The following INTS1 variants were observed in gnomAD, a reference collection of about 807,000 sequenced individuals.
INTS1 encodes the protein integrator complex subunit 1.
INTS1 carries 137 observed loss-of-function variants against 241.6 expected under a neutral mutation model. That is an observed-to-expected ratio of 0.57 (90% CI 0.49 to 0.65). The LOEUF (loss-of-function observed/expected upper bound fraction) is 0.65. Ranked by LOEUF, INTS1 falls within the 30% of genes least tolerant of loss-of-function variation. The pLI is 0.00. For synonymous variants in INTS1, 1,692 were observed against 1,337.8 expected (o/e 1.26, Z -5.78); for missense variants, 3,073 against 3,032.2 (o/e 1.01, Z -0.32).
rs1300300087 is a variant in INTS1, at chr7:1,477,801, T to C, written c.4766A>G (p.Gln1589Arg). Residue 1589 changes from glutamine to arginine, a missense_variant, in exon 34 of 48, where the codon CAG becomes CGG. Gln to Arg is a conservative substitution (Grantham distance 43). Transcript: ENST00000404767. ...CCCCCCAGCCAGGGGCTCCTCCTCC[T>C]GCAGCAGCAGGGAGCTCACCACCAC... ...PVVVVSSLLLQEEEPLAGGKP... is the reference protein window; with the variant it reads ...PVVVVSSLLLREEEPLAGGKP... 1.2e-6 allele frequency: 2 copies of C among 1,612,526 alleles called. No individual in the cohort carries two copies. Among genetic ancestry groups the C allele is most frequent in the East Asian group, 4.5e-5 (2 of 44,890 alleles).
Position 1,480,868 on chromosome 7 carries a change from A to G in INTS1, c.3916T>C (p.Ser1306Pro). ...GGCGGCAGGGAGGCTGTGAGCAAGG[A>G]GTGGAAAGTCTGGCCTCCGGAGGCG... Reference protein sequence around the residue: ...RGASGGQTFHSLLTASLPPRR... With the variant: ...RGASGGQTFHPLLTASLPPRR... The change falls in exon 29 of 48, where the codon TCC becomes CCC. Residue 1306 changes from serine (S) to proline (P), a missense_variant. Ser to Pro is a moderately conservative substitution (Grantham distance 74). Transcript: ENST00000404767. The G allele has an allele frequency of 6.4e-7, 1 of 1,555,360 alleles. No individual in the cohort carries two copies. The highest frequency in any genetic ancestry group is 1.2e-5 in the South Asian group (1 of 84,398).
At chr7:1,488,034 G>A (rs1400014059) in intron 18 of INTS1, 77 bp from the exon 19 acceptor site, 33 of 1,499,586 alleles carry the variant, frequency 2.2e-5, no homozygotes, top group Admixed American at 1.9e-4. Flanking sequence ...TCAGGGTCAA[G>A]GAGGGTAAAA....
At position 1,497,039 on chromosome 7, in the gene INTS1, T is replaced by C; in HGVS notation, c.1602+99A>G. On this transcript the variant is annotated intron_variant, in intron 11 of 47. Transcript: ENST00000404767. The surrounding 1 kb of genome is among the most constrained non-coding windows in gnomAD (Gnocchi z 5.3). ...CCCGTACCCACGCTCAGCCAGAGCA[T>C]CCGAAGGGGTGGAGTGTGCATGGGA... The C allele has an allele frequency of 1.6e-6, 2 of 1,228,354 alleles. No individual in the cohort carries two copies. The highest frequency in any genetic ancestry group is 3.0e-5 in the African/African-American group (2 of 65,858). The allele number at this position is 1,228,354 out of a possible 1,614,324, so 76.1% of individuals were successfully genotyped here. A position where few individuals can be genotyped will look rare whatever the true frequency, so the allele number is the denominator to read the frequency against.
Position 1,496,164 on chromosome 7 carries a change from T to C in INTS1, c.1703A>G (p.Glu568Gly). 6.2e-7 allele frequency: 1 copy of C among 1,613,582 alleles called. No homozygotes were observed. The highest frequency in any genetic ancestry group is 8.5e-7 in the Non-Finnish European group (1 of 1,179,628). The change falls in exon 12 of 48, where the codon GAA (glutamate) becomes GGA (glycine). Residue 568 changes from glutamate (E) to glycine (G), a missense_variant. Glu to Gly is a moderately conservative substitution (Grantham distance 98). Transcript: ENST00000404767. ...KEAGIAWDKG[E>G]KRNLEVLRSF... Reference sequence around the variant, plus strand: ...CACCCCCACATCCTTACTCCTCTTTTCTCCTTTGTCCCAGGCGATGCCGGC... The same window carrying C: ...CACCCCCACATCCTTACTCCTCTTTCCTCCTTTGTCCCAGGCGATGCCGGC...
rs535741452 is a variant in INTS1, at chr7:1,497,806, G to C, written c.1426-492C>G. ...TAGAGCCCACCGGGAGGCCTAATGC[G>C]CTGGTGGCGATGGGAGCATCTCCCG... is the stretch of plus-strand genomic sequence containing the variant. On this transcript the variant is annotated intron_variant, in intron 10 of 47. Transcript: ENST00000404767. The surrounding 1 kb of genome is among the most constrained non-coding windows in gnomAD (Gnocchi z 5.3). Among the ~76,000 whole-genome samples, 2 of 152,248 alleles carry C rather than the reference G, an allele frequency of 1.3e-5. No individual in the cohort carries two copies. The highest frequency in any genetic ancestry group is 6.5e-5 in the Admixed American group (1 of 15,286).
chr7:1,503,495 A>G (rs1783301735), intron 2 of INTS1, among the ~76,000 whole-genome samples: 1 of 152,174 alleles, frequency 6.6e-6, no homozygotes, highest in Admixed American at 6.5e-5. Flanking sequence ...TTTACAAGAG[A>G]GAAAGGGACA....
In INTS1 at chr7:1,477,911, C is replaced by T. The variant is rs1412220389; in HGVS notation, c.4656G>A (p.Arg1552=). ...SKVLQGLIEV[R]SPHLEELLTA... ...TCAGCAGCTCCTCCAGGTGGGGGGACCTCACCTCGATCAGCCCCTGGAGGA... is the reference window on the plus strand; with the variant it reads ...TCAGCAGCTCCTCCAGGTGGGGGGATCTCACCTCGATCAGCCCCTGGAGGA... Residue 1552 remains arginine, a synonymous_variant, in exon 34 of 48, where the codon AGG becomes AGA. Coordinates refer to ENST00000404767, the MANE Select transcript of INTS1 (RefSeq NM_001080453.3). 6 of 1,612,580 alleles carry T rather than the reference C, an allele frequency of 3.7e-6. No individual in the cohort carries two copies. Among genetic ancestry groups the T allele is most frequent in the Non-Finnish European group, 5.1e-6 (6 of 1,179,822 alleles).
chr7:1,494,496 T>A, intron 14 of INTS1: 1 of 446,212 alleles, frequency 2.2e-6, no homozygotes. Flanking sequence ...GGGCAGACGG[T>A]GCATCTGAGA....
rs775924154 is a variant in INTS1, at chr7:1,489,420, G to T, written c.2258-16C>A. 2 of 1,030,008 alleles carry T rather than the reference G, an allele frequency of 1.9e-6. No individual in the cohort carries two copies. Among genetic ancestry groups the T allele is most frequent in the Admixed American group, 7.6e-5 (2 of 26,272 alleles). 63.8% of individuals were successfully genotyped at this position (1,030,008 alleles called of 1,614,324 possible). A position where few individuals can be genotyped will look rare whatever the true frequency, so the allele number is the denominator to read the frequency against. ...GCAGCCAGGCCTAGGGAACCGGAGG[G>T]TGTGGGGCTGGCCAGGCTCCCCTGG... On this transcript the variant is annotated splice_polypyrimidine_tract_variant and intron_variant, in intron 17 of 47. Coordinates refer to ENST00000404767, the MANE Select transcript of INTS1 (RefSeq NM_001080453.3).
intron 22 of INTS1, among the ~76,000 whole-genome samples, chr7:1,485,754 C>T (rs1379468119): frequency 1.3e-5 from 2 of 152,252 alleles, no homozygotes; most frequent in South Asian, 2.1e-4. Context: ...CGCATCCTTC[C>T]TACGCAGGGA....
intron 1 of INTS1, 58 bp from the exon 2 acceptor site, chr7:1,504,059 T>C (rs1783341526): frequency 1.1e-6 from 1 of 913,576 alleles, no homozygotes; most frequent in Non-Finnish European, 1.6e-6. Context: ...CGCTCGCTCA[T>C]TCGCTCCCTT....
In INTS1 at chr7:1,489,381, G is replaced by C; in HGVS notation, c.2281C>G (p.Pro761Ala). 2.7e-6 allele frequency: 3 copies of C among 1,090,958 alleles called. No individual in the cohort carries two copies. The highest frequency in any genetic ancestry group is 3.3e-6 in the Non-Finnish European group (3 of 896,314). 67.6% of individuals were successfully genotyped at this position (1,090,958 alleles called of 1,614,324 possible). The change falls in exon 18 of 48, where the codon CCG (proline) becomes GCG (alanine). Residue 761 changes from proline (P) to alanine (A), a missense_variant. Transcript: ENST00000404767. ...NIGLAAWEEY[P>A]TLKMLMEMVM... ...ATCTCCATGAGCATCTTCAGGGTCGGGTACTCCTCCCACGCAGCCAGGCCT... is the reference window on the plus strand; with the variant it reads ...ATCTCCATGAGCATCTTCAGGGTCGCGTACTCCTCCCACGCAGCCAGGCCT...
intron 42 of INTS1, 65 bp downstream of exon 42, chr7:1,473,501 C>T: frequency 6.5e-7 from 1 of 1,534,944 alleles, no homozygotes; most frequent in Non-Finnish European, 8.8e-7. Context: ...CCCAGGAACA[C>T]CCTCCAGACC....
chr7:1,474,036 C>T, intron 41 of INTS1, 132 bp downstream of exon 41: 1 of 1,085,482 alleles, frequency 9.2e-7, no homozygotes, highest in East Asian at 2.6e-5. Flanking sequence ...GAGCTGGTCC[C>T]CAGGGCAGGT....
intron 25 of INTS1, 35 bp downstream of exon 25, chr7:1,483,968 C>T (rs377653203): frequency 6.3e-6 from 10 of 1,594,892 alleles, no homozygotes; most frequent in Admixed American, 3.4e-5. Context: ...TAGACCTCCT[C>T]GCCCTCACCC....
rs1782123395 is a variant in INTS1, at chr7:1,484,002, C to A, written c.3429+1G>T. On this transcript the variant is annotated splice_donor_variant, in intron 25 of 47. Transcript: ENST00000404767. LOFTEE classifies it high-confidence loss of function. The stretch of plus-strand genomic sequence containing the variant: ...CCGGCCGTAGACCTCCTCGCCCTCA[C>A]CCAGCTGTAGACCTCCTCGCCCTCC... 4.4e-6 allele frequency: 7 copies of A among 1,605,832 alleles called. No homozygotes were observed. Among genetic ancestry groups the A allele is most frequent in the Non-Finnish European group, 6.0e-6 (7 of 1,175,612 alleles).
intron 16 of INTS1, among the ~76,000 whole-genome samples, chr7:1,490,183 GGA>G (rs1260332243): frequency 6.6e-6 from 1 of 152,270 alleles, no homozygotes; most frequent in East Asian, 1.9e-4. Flanking sequence ...ACCTGCCGAA[GGA>G]GAGAGGCAGG....
Position 1,473,703 on chromosome 7 carries a change from A to G in INTS1, c.5830-10T>C, listed in dbSNP as rs1201445110. The G allele has an allele frequency of 6.2e-6, 10 of 1,612,616 alleles. No individual in the cohort carries two copies. Among genetic ancestry groups the G allele is most frequent in the Non-Finnish European group, 8.5e-6 (10 of 1,179,676 alleles). ...AGGACTTCCTGTAATTCTGCAAAGCAAAAGCGGCACCCTCGAGCTGCTCTG... is the reference window on the plus strand; with the variant it reads ...AGGACTTCCTGTAATTCTGCAAAGCGAAAGCGGCACCCTCGAGCTGCTCTG... On this transcript the variant is annotated splice_polypyrimidine_tract_variant and intron_variant, in intron 41 of 47. Transcript: ENST00000404767.
intron 29 of INTS1, 50 bp downstream of exon 29, chr7:1,480,785 C>T: frequency 7.0e-7 from 1 of 1,434,192 alleles, no homozygotes; most frequent in Non-Finnish European, 9.6e-7. Flanking sequence ...GTGTTGGCCC[C>T]ACCCCTCCCC....
Sources: allele counts gnomAD v4.1 joint callset (sites outside exome capture counted in the v4.1 genomes callset), GRCh38; gene constraint gnomAD v4.1.1; non-coding constraint Gnocchi (gnomAD v3.1); transcripts MANE v1.5; gene names NCBI Gene and HGNC (gene_info 2026-07-23, HGNC 2026-07-21).